Variants in COPG2 observed in about 807,000 individuals in gnomAD.
COPG2 encodes the protein coatomer subunit gamma-2.
In COPG2, 37 loss-of-function variants were observed where a neutral mutation model predicts 46.3. That is an observed-to-expected ratio of 0.80 (90% CI 0.61 to 1.05). The LOEUF is 1.05. Ranked by LOEUF, COPG2 falls within the 50% of genes least tolerant of loss-of-function variation. COPG2 has a pLI of 0.00. For synonymous variants in COPG2, 159 were observed against 129.7 expected (o/e 1.23, Z -1.53); for missense variants, 427 against 387.8 (o/e 1.10, Z -0.85).
At chr7:130,551,161 T>G (rs1793530448) in intron 16 of COPG2, 80 bp downstream of exon 16, 1 of 396,590 alleles carries the variant, frequency 2.5e-6, no homozygotes, top group Admixed American at 4.4e-5. Flanking sequence ...CTAGTGAAGT[T>G]AGCTCATATG....
chr7:130,592,027 T>G (rs1285215614), intron 9 of COPG2, among the ~76,000 whole-genome samples: 61 of 152,138 alleles, frequency 4.0e-4, no homozygotes, highest in African/African-American at 1.4e-3. Context: ...GAGGTAGACA[T>G]GGGAGACTTT....
Position 130,646,995 on chromosome 7 carries a change from ATG to A in COPG2, c.323+5872_323+5873del, listed in dbSNP as rs1363629272. 7.8e-5 allele frequency among the ~76,000 whole-genome samples: 3 copies of A among 38,490 alleles called. No homozygotes were observed. The East Asian group carries it at 3.2e-3, about 42-fold the overall frequency. The allele number at this position is 38,490 out of a possible 152,430, so 25.3% of individuals were successfully genotyped here. A position where few individuals can be genotyped will look rare whatever the true frequency, so the allele number is the denominator to read the frequency against. ...TGTATATATATATGTATATATATAT[ATG>A]TGTATATATATATGTATATATATAT... On this transcript the variant is annotated intron_variant, in intron 5 of 23. Transcript: ENST00000425248.
intron 5 of COPG2, among the ~76,000 whole-genome samples, chr7:130,646,589 A>G (rs1795599110): frequency 6.6e-6 from 1 of 152,078 alleles, no homozygotes; most frequent in Non-Finnish European, 1.5e-5. Context: ...AAAAATTTTG[A>G]ATTCTGATAT....
intron 9 of COPG2, among the ~76,000 whole-genome samples, chr7:130,586,917 C>T (rs1794284906): frequency 6.6e-6 from 1 of 152,016 alleles, no homozygotes; most frequent in South Asian, 2.1e-4. Context: ...CAACACTCAA[C>T]AGTAATAAAA....
intron 9 of COPG2, among the ~76,000 whole-genome samples, chr7:130,607,240 CATAA>C (rs5887469): frequency 0.17 from 25,009 of 145,804 alleles, 2,336 homozygotes; most frequent in East Asian, 0.43. Context: ...GAGAGACTGT[CATAA>C]ATAAATAAAT....
At chr7:130,661,632 A>G (rs11766462) in intron 4 of COPG2, among the ~76,000 whole-genome samples, 120,838 of 152,104 alleles carry the variant, frequency 0.79, 48,304 homozygotes, top group Non-Finnish European at 0.85. Context: ...AGTAGTCCAC[A>G]GCATGCAGTG....
chr7:130,607,741 T>C (rs1554451477), intron 9 of COPG2: 2 of 520,184 alleles, frequency 3.8e-6, no homozygotes, highest in Non-Finnish European at 7.7e-6. Flanking sequence ...TTTCAGTTAC[T>C]CTTCCAACCT....
chr7:130,519,005 C>CA (rs1163859617), intron 20 of COPG2, among the ~76,000 whole-genome samples: 57,664 of 115,970 alleles, frequency 0.5, 14,784 homozygotes, highest in African/African-American at 0.67. Context: ...GACTCTGTCT[C>CA]AAAAAAAAAA....
intron 9 of COPG2, among the ~76,000 whole-genome samples, chr7:130,610,297 T>C (rs1554451845): frequency 1.3e-5 from 2 of 152,256 alleles, no homozygotes; most frequent in African/African-American, 4.8e-5. Context: ...ACAAATGATC[T>C]GAGGAACAGA....
At chr7:130,547,411 T>C (rs1358179588) in intron 20 of COPG2, 1 of 338,878 alleles carries the variant, frequency 3.0e-6, no homozygotes, top group African/African-American at 2.1e-5. Context: ...TTTGTGCTAC[T>C]GCTATACACA....
chr7:130,603,814 T>G (rs1392518160), intron 9 of COPG2: 3 of 514,608 alleles, frequency 5.8e-6, no homozygotes, highest in Admixed American at 2.0e-5. Context: ...AACATGGGGT[T>G]AACAGTGCCA....
At chr7:130,622,606 G>A (rs1795058170) in intron 5 of COPG2, among the ~76,000 whole-genome samples, 1 of 152,158 alleles carries the variant, frequency 6.6e-6, no homozygotes, top group Non-Finnish European at 1.5e-5. Context: ...ATAAAGGAAG[G>A]TGAGTGGAAC....
chr7:130,649,415 A>C (rs1456815113), intron 5 of COPG2, among the ~76,000 whole-genome samples: 1 of 152,220 alleles, frequency 6.6e-6, no homozygotes, highest in African/African-American at 2.4e-5. Flanking sequence ...AGTGGCAAAA[A>C]GAAACTAGGC....
intron 8 of COPG2, 112 bp from the exon 9 acceptor site, chr7:130,611,222 C>A (rs1295269469): frequency 6.5e-6 from 6 of 916,056 alleles, no homozygotes; most frequent in South Asian, 1.8e-5. Context: ...ATACCCAGGT[C>A]ACATGTACAC....
At chr7:130,662,283 G>A (rs1432200182) in intron 4 of COPG2, among the ~76,000 whole-genome samples, 5 of 152,186 alleles carry the variant, frequency 3.3e-5, no homozygotes, top group Non-Finnish European at 5.9e-5. Context: ...CAAATCTCAA[G>A]AGGTTCTGGG....
chr7:130,641,219 C>T (rs1554457236), intron 5 of COPG2, among the ~76,000 whole-genome samples: 2 of 146,406 alleles, frequency 1.4e-5, no homozygotes, highest in Non-Finnish European at 3.0e-5. Context: ...AAGACAATGA[C>T]TAATCTGTCA....
intron 9 of COPG2, 49 bp downstream of exon 9, chr7:130,610,904 A>G (rs782809862): frequency 1.9e-6 from 3 of 1,594,632 alleles, no homozygotes; most frequent in South Asian, 1.1e-5. Context: ...TCTAAGGTAT[A>G]TTAACTTCGC....
At chr7:130,549,043 C>CAAA (rs1284034360) in intron 18 of COPG2, among the ~76,000 whole-genome samples, 3 of 110,660 alleles carry the variant, frequency 2.7e-5, no homozygotes, top group Admixed American at 1.8e-4. Context: ...AAGCAAAAAG[C>CAAA]AAAAAAAAAA....
Position 130,506,508 on chromosome 7 carries a change from T to G in COPG2, c.*168A>C. 2.3e-6 allele frequency: 1 copy of G among 430,932 alleles called. No individual in the cohort carries two copies. The highest frequency in any genetic ancestry group is 4.1e-6 in the Non-Finnish European group (1 of 242,792). 26.7% of individuals were successfully genotyped at this position (430,932 alleles called of 1,614,324 possible). On this transcript the variant is annotated 3_prime_UTR_variant, in exon 24 of 24. Coordinates refer to ENST00000425248, the MANE Select transcript of COPG2 (RefSeq NM_012133.6). ...AAGAAAAAAAAAAAAAAACAACCCA[T>G]GCGCAAAGATAGACATTTGCTTGAT...
Sources: gnomAD v4.1 joint callset for allele counts (sites outside exome capture counted in the v4.1 genomes callset) on GRCh38, gnomAD v4.1.1 for gene constraint, MANE v1.5 for transcripts, NCBI Gene and HGNC (gene_info 2026-07-23, HGNC 2026-07-21) for gene names.